The following EIF4G3 variants were observed in gnomAD, a reference collection of about 807,000 sequenced individuals.
EIF4G3 encodes the protein eIF-4-gamma 3.
EIF4G3 carries 34 observed loss-of-function variants against 186.4 expected under a neutral mutation model. The observed-to-expected ratio is 0.18, with a 90% confidence interval of 0.14 to 0.24. EIF4G3 has a LOEUF of 0.24. Ranked by LOEUF, EIF4G3 falls within the 10% of genes least tolerant of loss-of-function variation. The pLI, the probability that EIF4G3 is intolerant of heterozygous loss-of-function variation, is 1.00. For synonymous variants in EIF4G3, 673 were observed against 679.5 expected, an observed-to-expected ratio of 0.99 and a Z score of 0.15; for missense variants, 1,536 against 1,948.5, an observed-to-expected ratio of 0.79 and a Z score of 3.99.
In EIF4G3 at chr1:21,005,508, G is replaced by A. The variant is rs150072671; in HGVS notation, c.-66-2700C>T. Among the ~76,000 whole-genome samples, 91 of 152,134 alleles carry A rather than the reference G, an allele frequency of 6.0e-4. No individual in the cohort carries two copies. In the East Asian group the frequency reaches 0.014, roughly 24 times the overall value. ...AACACTTTGTTCTCTCATAGCTGTC[G>A]TACTATTGAAATAGAAAGGGAATCC... On this transcript the variant is annotated intron_variant, in intron 4 of 36. Transcript: ENST00000602326.
chr1:20,967,954 T>G (rs2075061723), intron 12 of EIF4G3, among the ~76,000 whole-genome samples: 1 of 152,134 alleles, frequency 6.6e-6, no homozygotes, highest in Non-Finnish European at 1.5e-5. Context: ...CATTAGGCTT[T>G]CACTTTAGAC....
intron 12 of EIF4G3, among the ~76,000 whole-genome samples, chr1:20,962,135 A>G (rs2096582674): frequency 1.3e-5 from 2 of 152,202 alleles, no homozygotes; most frequent in African/African-American, 4.8e-5. Context: ...TTACTGCTAA[A>G]CCATGAAATG....
At chr1:20,865,902 CAAT>C (rs2077458793) in intron 20 of EIF4G3, among the ~76,000 whole-genome samples, 1 of 112,150 alleles carries the variant, frequency 8.9e-6, no homozygotes, top group African/African-American at 2.8e-5. Flanking sequence ...CATCCAAATC[CAAT>C]AATAATTGTT....
intron 7 of EIF4G3, among the ~76,000 whole-genome samples, chr1:20,989,654 C>CTTCA (rs2080590685): frequency 6.7e-6 from 1 of 148,960 alleles, no homozygotes; most frequent in African/African-American, 2.5e-5. Context: ...TGAGGACTGG[C>CTTCA]TTCATATGGA....
intron 2 of EIF4G3, among the ~76,000 whole-genome samples, chr1:21,130,603 T>C (rs2097135480): frequency 6.6e-6 from 1 of 152,072 alleles, no homozygotes; most frequent in African/African-American, 2.4e-5. Context: ...ATGCTACTTA[T>C]CTCAGTCTCT....
At chr1:20,951,999 A>G (rs1558405248) in intron 12 of EIF4G3, among the ~76,000 whole-genome samples, 1 of 152,204 alleles carries the variant, frequency 6.6e-6, no homozygotes, top group Non-Finnish European at 1.5e-5. Context: ...TATCCAGTAC[A>G]TAGGTATATA....
chr1:20,876,383 A>G (rs1395509809), intron 20 of EIF4G3, among the ~76,000 whole-genome samples: 1 of 151,382 alleles, frequency 6.6e-6, no homozygotes, highest in African/African-American at 2.4e-5. Context: ...CAATTAGTAT[A>G]AAAGTATGAG....
intron 3 of EIF4G3, among the ~76,000 whole-genome samples, chr1:21,063,721 G>GGT (rs2095067323): frequency 4.8e-3 from 2 of 414 alleles, no homozygotes; most frequent in African/African-American, 7.6e-3. Context: ...GGGGGGTGTT[G>GGT]GGGGGGGGGA....
chr1:21,107,459 A>T (rs1230446521), intron 2 of EIF4G3, among the ~76,000 whole-genome samples: 1 of 152,178 alleles, frequency 6.6e-6, no homozygotes, highest in Non-Finnish European at 1.5e-5. Context: ...GGAATGAGCT[A>T]CCGGGCCCAA....
chr1:20,927,645 G>A (rs1403495860), intron 14 of EIF4G3, among the ~76,000 whole-genome samples: 1 of 152,166 alleles, frequency 6.6e-6, no homozygotes, highest in Non-Finnish European at 1.5e-5. Context: ...AAGGGTCTCA[G>A]GTAGGAGAGT....
rs146745111 is a variant in EIF4G3, at chr1:20,976,360, C to T, written c.494-3261G>A. Among the ~76,000 whole-genome samples the T allele has an allele frequency of 4.0e-3, 565 of 139,990 alleles. 4 individuals are homozygous for T. Among genetic ancestry groups the T allele is most frequent in the African/African-American group, 0.015 (546 of 37,462 alleles). 91.8% of individuals were successfully genotyped at this position (139,990 alleles called of 152,430 possible). A position where few individuals can be genotyped will look rare whatever the true frequency, so the allele number is the denominator to read the frequency against. On this transcript the variant is annotated intron_variant, in intron 10 of 36. Coordinates refer to ENST00000602326, the MANE Select transcript of EIF4G3 (RefSeq NM_001391906.1). ...CCCCACAACAGGCCCCAGTGTCACA[C>T]AGAGGTTTAACAACTTAAAATTTGT... is the stretch of plus-strand genomic sequence containing the variant.
intron 2 of EIF4G3, among the ~76,000 whole-genome samples, chr1:21,148,659 G>T (rs984380059): frequency 6.9e-6 from 1 of 145,974 alleles, no homozygotes; most frequent in Non-Finnish European, 1.5e-5. Flanking sequence ...CCGAGATCGC[G>T]CCACTGCACT....
At chr1:20,860,638 T>C in intron 23 of EIF4G3, 121 bp from the exon 24 acceptor site, 1 of 1,095,574 alleles carries the variant, frequency 9.1e-7, no homozygotes, top group Non-Finnish European at 1.3e-6. Context: ...ATTATGGCAG[T>C]TTCTCATGTA....
chr1:20,849,393 T>TG lies in EIF4G3; in HGVS notation c.3888+21_3888+22insC, dbSNP rs765412945. ...TATCAAAGGACTTACTGTGTGTGTG[T>TG]TTTTTTTTTAATCTCATTTACCTTA... On this transcript the variant is annotated intron_variant, in intron 29 of 36. Coordinates refer to ENST00000602326, the MANE Select transcript of EIF4G3 (RefSeq NM_001391906.1). 385 of 1,063,610 alleles carry TG rather than the reference T, an allele frequency of 3.6e-4. 1 individual carries two copies. The highest frequency in any genetic ancestry group is 2.5e-3 in the African/African-American group (144 of 56,926). 65.9% of individuals were successfully genotyped at this position (1,063,610 alleles called of 1,614,324 possible). A position where few individuals can be genotyped will look rare whatever the true frequency, so the allele number is the denominator to read the frequency against.
intron 29 of EIF4G3, among the ~76,000 whole-genome samples, chr1:20,843,814 G>A (rs1193252788): frequency 1.3e-5 from 2 of 152,002 alleles, no homozygotes; most frequent in African/African-American, 4.8e-5. Flanking sequence ...TCCACCTTCT[G>A]TCCTCCAGTA....
chr1:20,855,680 T>A (rs1289515361), intron 25 of EIF4G3, among the ~76,000 whole-genome samples: 1 of 152,202 alleles, frequency 6.6e-6, no homozygotes, highest in Non-Finnish European at 1.5e-5. Context: ...ACATATAACA[T>A]AAAAGCTGTA....
chr1:20,811,988 A>G (rs1193100626), intron 35 of EIF4G3, among the ~76,000 whole-genome samples: 1 of 152,224 alleles, frequency 6.6e-6, no homozygotes, highest in Non-Finnish European at 1.5e-5. Context: ...GGCAGATAAC[A>G]TACCTAATCT....
chr1:21,176,462 G>A (rs1297610126), intron 1 of EIF4G3, 104 bp from the exon 2 acceptor site: 4 of 188,386 alleles, frequency 2.1e-5, no homozygotes, highest in Non-Finnish European at 3.2e-5. Context: ...CGGGGGCAGC[G>A]GGGGGGCGGG....
At chr1:20,992,559 T>C (rs1346844644) in intron 7 of EIF4G3, among the ~76,000 whole-genome samples, 2 of 152,218 alleles carry the variant, frequency 1.3e-5, no homozygotes, top group African/African-American at 4.8e-5. Context: ...CTCCTGCTGA[T>C]AGTGTACGCT....
Sources: allele counts gnomAD v4.1 joint callset (sites outside exome capture counted in the v4.1 genomes callset), GRCh38; gene constraint gnomAD v4.1.1; transcripts MANE v1.5; gene names NCBI Gene and HGNC (gene_info 2026-07-23, HGNC 2026-07-21).